Variants in INPP4B observed in about 807,000 individuals in gnomAD.
The protein encoded by INPP4B is inositol polyphosphate-4-phosphatase type II B.
A neutral mutation model predicts 122.5 loss-of-function variants in INPP4B; 55 were observed. The ratio of observed to expected loss-of-function variants is 0.45; its 90% confidence interval spans 0.36 to 0.56. INPP4B has a LOEUF of 0.56. Among genes scored for constraint, INPP4B ranks in the 20% least tolerant of loss-of-function variants. INPP4B has a pLI of 0.00. For missense variants in INPP4B, 1,000 were observed against 1,097.7 expected (o/e 0.91, Z 1.26); for synonymous variants, 403 against 388.7 (o/e 1.04, Z -0.43).
chr4:142,455,034 T>A (rs1404738568), intron 3 of INPP4B, among the ~76,000 whole-genome samples: 2 of 152,010 alleles, frequency 1.3e-5, no homozygotes, highest in Non-Finnish European at 2.9e-5. Flanking sequence ...ATATTTTAAA[T>A]TTTTGTGAGT....
chr4:142,069,063 A>G (rs1016346247), intron 25 of INPP4B, among the ~76,000 whole-genome samples: 1 of 152,208 alleles, frequency 6.6e-6, no homozygotes, highest in Admixed American at 6.5e-5. Flanking sequence ...ATATTCCAAA[A>G]TTGACCACAG....
At position 142,027,919 on chromosome 4, in the gene INPP4B, A is replaced by C; in HGVS notation, c.*863T>G. 5.4e-6 allele frequency: 1 copy of C among 183,720 alleles called. No individual in the cohort carries two copies. The highest frequency in any genetic ancestry group is 6.2e-5 in the Admixed American group (1 of 16,022). 11.4% of individuals were successfully genotyped at this position (183,720 alleles called of 1,614,324 possible). On this transcript the variant is annotated 3_prime_UTR_variant, in exon 26 of 26. Coordinates refer to ENST00000262992, the MANE Select transcript of INPP4B (RefSeq NM_001101669.3). ...CATGCTTACACCAGGATGACTGCTAAGAAACATCTCAGAGATACCTCACTG... is the reference window on the plus strand; with the variant it reads ...CATGCTTACACCAGGATGACTGCTACGAAACATCTCAGAGATACCTCACTG...
intron 1 of INPP4B, among the ~76,000 whole-genome samples, chr4:142,734,216 C>G (rs1766495112): frequency 6.6e-6 from 1 of 152,062 alleles, no homozygotes; most frequent in Non-Finnish European, 1.5e-5. Context: ...TGTGAGGGCA[C>G]AGGAAGATAC....
intron 2 of INPP4B, among the ~76,000 whole-genome samples, chr4:142,537,421 T>TAGAG (rs1239191698): frequency 1.1e-4 from 6 of 52,850 alleles, no homozygotes; most frequent in African/African-American, 3.8e-4. Context: ...TATATATATA[T>TAGAG]ATATATATAG....
At chr4:142,441,683 GA>G (rs2149444040) in intron 3 of INPP4B, among the ~76,000 whole-genome samples, 1 of 152,180 alleles carries the variant, frequency 6.6e-6, no homozygotes, top group Admixed American at 6.5e-5. Context: ...AAGGGGACAA[GA>G]AAAGAAGTTA....
At chr4:142,230,598 A>G (rs1345794782) in intron 12 of INPP4B, among the ~76,000 whole-genome samples, 2 of 144,774 alleles carry the variant, frequency 1.4e-5, no homozygotes. Context: ...AGCCGAGATC[A>G]CACCATTGCA....
chr4:142,222,526 C>T (rs932946553), intron 12 of INPP4B, among the ~76,000 whole-genome samples: 1 of 152,156 alleles, frequency 6.6e-6, no homozygotes, highest in African/African-American at 2.4e-5. Flanking sequence ...TCATGTTGCC[C>T]TGTGCTAACA....
chr4:142,352,284 C>T (rs1450086564), intron 7 of INPP4B, among the ~76,000 whole-genome samples: 1 of 151,856 alleles, frequency 6.6e-6, no homozygotes, highest in African/African-American at 2.4e-5. Flanking sequence ...GGCTTTCTTC[C>T]ACAATTGGCA....
At chr4:142,357,782 T>C (rs1784100538) in intron 7 of INPP4B, among the ~76,000 whole-genome samples, 1 of 152,036 alleles carries the variant, frequency 6.6e-6, no homozygotes, top group African/African-American at 2.4e-5. Context: ...TAACTAGTTG[T>C]AATTATTTTC....
rs147635990 is a variant in INPP4B, at chr4:142,694,960, GATCCAGT to G, written c.-191+30872_-191+30878del. Among the ~76,000 whole-genome samples, 1,435 of 152,134 alleles carry G rather than the reference GATCCAGT, an allele frequency of 9.4e-3. 9 individuals are homozygous for G. The highest frequency in any genetic ancestry group is 0.016 in the Non-Finnish European group (1,087 of 68,004). On this transcript the variant is annotated intron_variant, in intron 2 of 25. Coordinates refer to ENST00000262992, the MANE Select transcript of INPP4B (RefSeq NM_001101669.3). ...TTTAAAAACCCTACCTGTCACTATTGATCCAGTAATAAAATAGGGTCTTGTGGTGGGG... is the reference window on the plus strand; with the variant it reads ...TTTAAAAACCCTACCTGTCACTATTGAATAAAATAGGGTCTTGTGGTGGGG...
intron 2 of INPP4B, among the ~76,000 whole-genome samples, chr4:142,494,177 TC>T (rs1169938174): frequency 6.6e-6 from 1 of 152,144 alleles, no homozygotes; most frequent in Non-Finnish European, 1.5e-5. Context: ...CAATTAAACT[TC>T]TTTCATTTAT....
At chr4:142,466,180 A>G (rs1817729099) in intron 2 of INPP4B, among the ~76,000 whole-genome samples, 1 of 152,196 alleles carries the variant, frequency 6.6e-6, no homozygotes, top group African/African-American at 2.4e-5. Flanking sequence ...CAGGAAGATG[A>G]GGAAATGTTT....
intron 1 of INPP4B, among the ~76,000 whole-genome samples, chr4:142,751,332 A>T (rs1260730374): frequency 6.6e-6 from 1 of 151,416 alleles, no homozygotes; most frequent in Non-Finnish European, 1.5e-5. Context: ...ATTGACCTCA[A>T]GTATGGAGAG....
At chr4:142,106,239 A>T (rs1787033989) in intron 23 of INPP4B, among the ~76,000 whole-genome samples, 1 of 152,212 alleles carries the variant, frequency 6.6e-6, no homozygotes. Context: ...TTTGAAAAAC[A>T]CTTGTTTATA....
At chr4:142,525,113 A>C (rs1432654787) in intron 2 of INPP4B, among the ~76,000 whole-genome samples, 2 of 150,390 alleles carry the variant, frequency 1.3e-5, no homozygotes, top group Non-Finnish European at 3.0e-5. Context: ...CAGAGAGCCA[A>C]ATCATGAGTG....
intron 25 of INPP4B, among the ~76,000 whole-genome samples, chr4:142,060,584 T>A (rs1230276072): frequency 6.6e-6 from 1 of 152,210 alleles, no homozygotes; most frequent in Non-Finnish European, 1.5e-5. Flanking sequence ...TTCCACCACG[T>A]CTTAGCTGTA....
At chr4:142,035,851 C>G (rs1743540096) in intron 25 of INPP4B, among the ~76,000 whole-genome samples, 1 of 152,102 alleles carries the variant, frequency 6.6e-6, no homozygotes, top group African/African-American at 2.4e-5. Flanking sequence ...AGAGGGGGCT[C>G]AGTCATAGAA....
In INPP4B at chr4:142,442,133, G is replaced by T. The variant is rs373281398; in HGVS notation, c.-126-10748C>A. Among the ~76,000 whole-genome samples the T allele has an allele frequency of 7.0e-4, 107 of 152,116 alleles. 2 individuals are homozygous for T. Among genetic ancestry groups the T allele is most frequent in the Admixed American group, 3.9e-4 (6 of 15,270 alleles). ...AGACCATAAGAAAAACATGGGCCAG[G>T]CACGGTGGCTCACGCCTACCTGTAA... On this transcript the variant is annotated intron_variant, in intron 3 of 25. Transcript: ENST00000262992.
chr4:142,200,082 T>C (rs1305363294), intron 14 of INPP4B, among the ~76,000 whole-genome samples: 1 of 152,028 alleles, frequency 6.6e-6, no homozygotes, highest in Non-Finnish European at 1.5e-5. Context: ...CTGAAAGGCA[T>C]GGTTAACTCT....
Sources: allele counts gnomAD v4.1 joint callset (sites outside exome capture counted in the v4.1 genomes callset), GRCh38; gene constraint gnomAD v4.1.1; transcripts MANE v1.5; gene names NCBI Gene and HGNC (gene_info 2026-07-23, HGNC 2026-07-21).